Variants in CSMD1 observed in about 807,000 individuals in gnomAD.
The protein encoded by CSMD1 is CUB and Sushi multiple domains 1, also known as CUB and sushi domain-containing protein 1.
A neutral mutation model predicts 417.5 loss-of-function variants in CSMD1; 213 were observed. The ratio of observed to expected loss-of-function variants is 0.51; its 90% CI spans 0.46 to 0.57. The LOEUF (loss-of-function observed/expected upper bound fraction) is 0.57, where lower values mean the gene tolerates loss of function less well. CSMD1 is among the 20% of genes least tolerant of loss of function. The pLI, the probability that CSMD1 is intolerant of heterozygous loss-of-function variation, is 0.00. For missense variants in CSMD1, 6,923 were observed against 4,529.7 expected (o/e 1.53, Z -15.17); for synonymous variants, 2,862 against 1,736.8 (o/e 1.65, Z -16.11).
At chr8:4,943,609 T>C (rs371854536) in intron 1 of CSMD1, among the ~76,000 whole-genome samples, 7 of 152,308 alleles carry the variant, frequency 4.6e-5, no homozygotes, top group African/African-American at 1.2e-4. Context: ...ATATCTCATA[T>C]ATCAAATGAA....
chr8:4,613,454 T>A (rs1272146097), intron 2 of CSMD1, among the ~76,000 whole-genome samples: 2 of 152,124 alleles, frequency 1.3e-5, no homozygotes, highest in Non-Finnish European at 2.9e-5. Flanking sequence ...GAACCAAGTT[T>A]GCTGCACCTG....
chr8:4,141,129 T>C (rs1323623541), intron 3 of CSMD1, among the ~76,000 whole-genome samples: 1 of 151,206 alleles, frequency 6.6e-6, no homozygotes, highest in Non-Finnish European at 1.5e-5. Flanking sequence ...CTATGTTTCC[T>C]CCAAGAGAGC....
rs529178973 is a variant in CSMD1 at position 3,485,958 on chromosome 8, G to A, written c.1448+7665C>T. Reference sequence around the variant, plus strand: ...GGACGAAGTCTATAAAGATCCCTTCGTATTAACACCAGGGGTTCAATGAGC... The same window carrying A: ...GGACGAAGTCTATAAAGATCCCTTCATATTAACACCAGGGGTTCAATGAGC... On this transcript the variant is annotated intron_variant, in intron 11 of 69. Transcript: ENST00000635120. Among the ~76,000 whole-genome samples, 32 of 152,128 alleles carry A rather than the reference G, an allele frequency of 2.1e-4. No homozygotes were observed. The South Asian group carries it at 3.7e-3, about 18-fold the overall frequency.
At chr8:3,691,104 C>T (rs1800214501) in intron 7 of CSMD1, among the ~76,000 whole-genome samples, 1 of 152,046 alleles carries the variant, frequency 6.6e-6, no homozygotes, top group Non-Finnish European at 1.5e-5. Context: ...TGGTGGCTCA[C>T]ACCTGTAACC....
chr8:3,235,997 A>C (rs1488725743), intron 26 of CSMD1, among the ~76,000 whole-genome samples: 1 of 141,706 alleles, frequency 7.1e-6, no homozygotes, highest in Non-Finnish European at 1.5e-5. Context: ...GGCTCACTGC[A>C]AGCTCCGCCT....
intron 3 of CSMD1, among the ~76,000 whole-genome samples, chr8:4,068,304 T>C (rs1323302892): frequency 6.6e-6 from 1 of 152,050 alleles, no homozygotes; most frequent in Non-Finnish European, 1.5e-5. Context: ...GAGGACAGTG[T>C]ATTGCGGGAG....
chr8:4,602,334 T>C (rs1031230475), intron 2 of CSMD1, among the ~76,000 whole-genome samples: 42 of 152,062 alleles, frequency 2.8e-4, no homozygotes, highest in African/African-American at 9.7e-4. Flanking sequence ...CCAAACCAAA[T>C]AGCAGATAAG....
At chr8:4,100,822 A>G (rs1473323523) in intron 3 of CSMD1, among the ~76,000 whole-genome samples, 1 of 152,244 alleles carries the variant, frequency 6.6e-6, no homozygotes, top group East Asian at 1.9e-4. Flanking sequence ...AAAGTTAAAC[A>G]TGTATAAACT....
At chr8:4,401,318 A>C (rs1193925963) in intron 3 of CSMD1, among the ~76,000 whole-genome samples, 2 of 152,228 alleles carry the variant, frequency 1.3e-5, no homozygotes, top group Admixed American at 1.3e-4. Flanking sequence ...TACAGGAATA[A>C]AATTAAGTGT....
chr8:4,471,864 T>C (rs778151971), intron 2 of CSMD1, among the ~76,000 whole-genome samples: 2 of 152,230 alleles, frequency 1.3e-5, no homozygotes, highest in Middle Eastern at 3.4e-3. Context: ...ATGATTAGGC[T>C]ACAAAAAATG....
chr8:4,601,512 A>G (rs1211660128), intron 2 of CSMD1, among the ~76,000 whole-genome samples: 3 of 152,202 alleles, frequency 2.0e-5, no homozygotes, highest in Admixed American at 2.0e-4. Flanking sequence ...AAGGAGGGAC[A>G]GAGATCATAA....
intron 1 of CSMD1, among the ~76,000 whole-genome samples, chr8:4,795,433 G>C (rs1191281214): frequency 6.6e-6 from 1 of 151,468 alleles, no homozygotes; most frequent in Non-Finnish European, 1.5e-5. Flanking sequence ...CACCACGCCA[G>C]GCTAACTTTT....
intron 1 of CSMD1, among the ~76,000 whole-genome samples, chr8:4,690,029 G>T (rs1005000672): frequency 1.3e-5 from 2 of 152,212 alleles, no homozygotes; most frequent in Admixed American, 6.5e-5. Flanking sequence ...AATGGGTTTA[G>T]AGAAGAGAAT....
At chr8:4,127,336 C>T (rs967333811) in intron 3 of CSMD1, among the ~76,000 whole-genome samples, 4 of 151,128 alleles carry the variant, frequency 2.6e-5, no homozygotes, top group African/African-American at 7.3e-5. Flanking sequence ...TCTGGCAGTA[C>T]AAGCCTCTCC....
chr8:4,496,558 G>T (rs1255209925), intron 2 of CSMD1, among the ~76,000 whole-genome samples: 1 of 152,096 alleles, frequency 6.6e-6, no homozygotes, highest in Non-Finnish European at 1.5e-5. Context: ...TTTGAACTTC[G>T]CCTCGCCTCC....
intron 48 of CSMD1, among the ~76,000 whole-genome samples, chr8:3,090,195 T>C (rs1316129948): frequency 6.6e-6 from 1 of 151,650 alleles, no homozygotes; most frequent in African/African-American, 2.4e-5. Context: ...CGGGCGCCTG[T>C]AGTCCCAGCT....
chr8:4,962,801 G>A (rs1472610398), intron 1 of CSMD1, among the ~76,000 whole-genome samples: 5 of 152,114 alleles, frequency 3.3e-5, no homozygotes, highest in African/African-American at 1.2e-4. Flanking sequence ...ACACTCCTTA[G>A]TAAAAATAAT....
chr8:4,219,950 T>A (rs1027895238), intron 3 of CSMD1, among the ~76,000 whole-genome samples: 2 of 152,110 alleles, frequency 1.3e-5, no homozygotes, highest in African/African-American at 4.8e-5. Flanking sequence ...TTTAAAAATT[T>A]TTTAATGCTT....
In CSMD1 at chr8:4,114,314, G is replaced by A. The variant is rs78308375; in HGVS notation, c.416-82215C>T. Among the ~76,000 whole-genome samples, 226 of 152,278 alleles carry A rather than the reference G, an allele frequency of 1.5e-3. 2 individuals carry two copies. Among genetic ancestry groups the A allele is most frequent in the South Asian group, 0.011 (53 of 4,812 alleles). On this transcript the variant is annotated intron_variant, in intron 3 of 69. Coordinates refer to ENST00000635120, the MANE Select transcript of CSMD1 (RefSeq NM_033225.6). ...CTGTCTAAGTGGAAAAATAAAGTCT[G>A]GATGAGACCACATCTGTTTACAGCA...
Sources: allele counts gnomAD v4.1 joint callset (sites outside exome capture counted in the v4.1 genomes callset), GRCh38; gene constraint gnomAD v4.1.1; transcripts MANE v1.5; gene names NCBI Gene and HGNC (gene_info 2026-07-23, HGNC 2026-07-21).